The following GRID1 variants were observed in gnomAD, a reference collection of about 807,000 sequenced individuals.
GRID1 encodes glutamate receptor ionotropic, delta-1.
Under a neutral mutation model 98.0 loss-of-function variants are expected in GRID1, and 28 were observed. That is an observed-to-expected ratio of 0.29 (90% CI 0.21 to 0.39). GRID1 has a LOEUF of 0.39. Ranked by LOEUF, GRID1 falls within the 10% of genes least tolerant of loss-of-function variation. The pLI is 1.00. For synonymous variants in GRID1, 553 were observed against 538.5 expected (o/e 1.03, Z -0.37); for missense variants, 1,111 against 1,340.5 (o/e 0.83, Z 2.67).
intron 4 of GRID1, among the ~76,000 whole-genome samples, chr10:85,950,037 AAC>A (rs1842100463): frequency 6.6e-6 from 1 of 152,130 alleles, no homozygotes; most frequent in African/African-American, 2.4e-5. Flanking sequence ...ATAGATAGAT[AAC>A]AGAGAGAGAG....
chr10:86,142,793 A>C (rs556813114), intron 3 of GRID1, among the ~76,000 whole-genome samples: 1 of 152,360 alleles, frequency 6.6e-6, no homozygotes, highest in East Asian at 1.9e-4. Flanking sequence ...CAGCATGGCC[A>C]GTCCTCTCAG....
chr10:86,193,001 C>T (rs560317346), intron 3 of GRID1, among the ~76,000 whole-genome samples: 1 of 152,156 alleles, frequency 6.6e-6, no homozygotes, highest in South Asian at 2.1e-4. Context: ...GCAAGGAAGA[C>T]AGAAGAGAAG....
chr10:85,821,574 G>A (rs968716075), intron 8 of GRID1, among the ~76,000 whole-genome samples: 1 of 146,948 alleles, frequency 6.8e-6, no homozygotes, highest in Non-Finnish European at 1.5e-5. Context: ...GACTGTGGGT[G>A]GTGTTAGAGG....
chr10:85,853,839 G>T (rs1843083642), intron 8 of GRID1, among the ~76,000 whole-genome samples: 2 of 152,106 alleles, frequency 1.3e-5, no homozygotes, highest in African/African-American at 4.8e-5. Context: ...CTGGATAAAA[G>T]GCCACTCTCC....
chr10:85,627,335 C>T (rs1239956026), intron 13 of GRID1, among the ~76,000 whole-genome samples: 1 of 152,184 alleles, frequency 6.6e-6, no homozygotes, highest in Non-Finnish European at 1.5e-5. Flanking sequence ...GGATTAAATT[C>T]CTCAATATGT....
chr10:86,030,372 GT>G (rs892386183), intron 4 of GRID1, among the ~76,000 whole-genome samples: 3 of 152,184 alleles, frequency 2.0e-5, no homozygotes, highest in African/African-American at 7.2e-5. Flanking sequence ...TAACAATAAA[GT>G]TTCTCTAACT....
At chr10:86,096,404 TG>T (rs1844222382) in intron 4 of GRID1, among the ~76,000 whole-genome samples, 1 of 152,176 alleles carries the variant, frequency 6.6e-6, no homozygotes. Context: ...GCCCCACAAA[TG>T]TTTCCATAGT....
At chr10:86,282,947 C>T (rs1385950510) in intron 2 of GRID1, among the ~76,000 whole-genome samples, 1 of 152,160 alleles carries the variant, frequency 6.6e-6, no homozygotes, top group Non-Finnish European at 1.5e-5. Flanking sequence ...GCTAACCTCT[C>T]CCCGGTGGCA....
chr10:85,800,919 T>C (rs1361539739), intron 8 of GRID1, among the ~76,000 whole-genome samples: 1 of 151,850 alleles, frequency 6.6e-6, no homozygotes, highest in Non-Finnish European at 1.5e-5. Context: ...GGCTACAGAG[T>C]TTGAGCTGTT....
intron 3 of GRID1, among the ~76,000 whole-genome samples, chr10:86,150,319 C>A (rs190093895): frequency 9.8e-4 from 150 of 152,296 alleles, no homozygotes; most frequent in Admixed American, 2.7e-3. Flanking sequence ...TCCCTCTCTG[C>A]GGCTTGTGAG....
At chr10:85,767,251 A>G (rs1485420402) in intron 8 of GRID1, among the ~76,000 whole-genome samples, 1 of 152,126 alleles carries the variant, frequency 6.6e-6, no homozygotes, top group Non-Finnish European at 1.5e-5. Context: ...CAATTGTATA[A>G]ACTCATATAA....
At chr10:86,078,593 T>G (rs1843918901) in intron 4 of GRID1, among the ~76,000 whole-genome samples, 1 of 152,224 alleles carries the variant, frequency 6.6e-6, no homozygotes, top group African/African-American at 2.4e-5. Flanking sequence ...CTGTCTTGTC[T>G]TCCCTGAGCA....
At chr10:86,113,955 G>A (rs1174163901) in intron 4 of GRID1, among the ~76,000 whole-genome samples, 3 of 152,166 alleles carry the variant, frequency 2.0e-5, no homozygotes, top group Admixed American at 6.5e-5. Flanking sequence ...TTAATCGATG[G>A]TGAGTTCCCC....
intron 4 of GRID1, among the ~76,000 whole-genome samples, chr10:86,136,771 A>C (rs1844931161): frequency 6.6e-6 from 1 of 152,202 alleles, no homozygotes. Flanking sequence ...CAACAATCCC[A>C]GGGACTTGAC....
chr10:85,635,161 C>T (rs1384031420), intron 13 of GRID1, among the ~76,000 whole-genome samples: 2 of 151,894 alleles, frequency 1.3e-5, no homozygotes, highest in East Asian at 1.9e-4. Context: ...TTATAAAAAT[C>T]GTAAAAGAAA....
intron 12 of GRID1, among the ~76,000 whole-genome samples, chr10:85,714,891 A>T (rs943463135): frequency 6.6e-6 from 1 of 152,142 alleles, no homozygotes; most frequent in Non-Finnish European, 1.5e-5. Context: ...TGGAAAAAAA[A>T]TCGTAAAATT....
intron 4 of GRID1, among the ~76,000 whole-genome samples, chr10:86,070,263 T>C (rs1168690516): frequency 3.3e-5 from 5 of 152,124 alleles, no homozygotes; most frequent in Non-Finnish European, 4.4e-5. Context: ...GAAGAAGGCA[T>C]TGGGGCACTG....
At chr10:85,668,440 A>G (rs971186957) in intron 12 of GRID1, among the ~76,000 whole-genome samples, 1 of 152,128 alleles carries the variant, frequency 6.6e-6, no homozygotes, top group African/African-American at 2.4e-5. Flanking sequence ...CTCCAAATCA[A>G]ATTTGTCCTG....
chr10:86,313,405 T>C (rs985275123), intron 2 of GRID1, among the ~76,000 whole-genome samples: 10 of 152,184 alleles, frequency 6.6e-5, no homozygotes, highest in Non-Finnish European at 1.5e-4. Context: ...CACTAATTTA[T>C]GGGTCTGGAA....
Sources: gnomAD v4.1 joint callset for allele counts (sites outside exome capture counted in the v4.1 genomes callset) on GRCh38, gnomAD v4.1.1 for gene constraint, MANE v1.5 for transcripts, NCBI Gene and HGNC (gene_info 2026-07-23, HGNC 2026-07-21) for gene names.